Variants in ZNF789 observed in about 807,000 individuals in gnomAD.
The protein encoded by ZNF789 is zinc finger protein 789.
Under a neutral mutation model 15.6 loss-of-function variants are expected in ZNF789, and 11 were observed. The ratio of observed to expected loss-of-function variants is 0.70; its 90% CI spans 0.44 to 1.16. The LOEUF (loss-of-function observed/expected upper bound fraction) is 1.16. ZNF789 is among the 50% of genes most tolerant of loss of function. The pLI, the probability that ZNF789 is intolerant of heterozygous loss-of-function variation, is 0.00. For missense variants in ZNF789, 461 were observed against 512.6 expected (o/e 0.90, Z 0.97); for synonymous variants, 159 against 176.0 (o/e 0.90, Z 0.76).
chr7:99,478,477 G>A, intron 2 of ZNF789: 1 of 806,796 alleles, frequency 1.2e-6, no homozygotes, highest in Non-Finnish European at 1.8e-6. Context: ...AAGCTTCTCA[G>A]GATGGTCTCA....
At chr7:99,478,294 G>C in intron 2 of ZNF789, 1 of 1,289,634 alleles carries the variant, frequency 7.8e-7, no homozygotes, top group Admixed American at 2.3e-5. Flanking sequence ...GCAGATGGCT[G>C]AGTAGGTCAG....
intron 3 of ZNF789, chr7:99,480,902 G>A (rs934407386): frequency 6.6e-6 from 1 of 152,170 alleles, no homozygotes; most frequent in Non-Finnish European, 1.5e-5. Flanking sequence ...ACCTCTGTGG[G>A]ACTGTCCACC....
intron 3 of ZNF789, among the ~76,000 whole-genome samples, chr7:99,483,274 C>T (rs1446910765): frequency 2.0e-5 from 3 of 151,576 alleles, no homozygotes; most frequent in South Asian, 2.1e-4. Flanking sequence ...AAAAATTAGC[C>T]GGGTGGGGGC....
At chr7:99,486,367 C>T in intron 4 of ZNF789, 109 bp from the exon 5 acceptor site, 2 of 1,107,826 alleles carry the variant, frequency 1.8e-6, no homozygotes, top group Non-Finnish European at 1.3e-6. Context: ...TAAACGAGAT[C>T]ACTTCTTAGC....
Position 99,487,510 on chromosome 7 carries a change from T to C in ZNF789, c.*22T>C, listed in dbSNP as rs764588384. 10 of 1,593,898 alleles carry C rather than the reference T, an allele frequency of 6.3e-6. No individual in the cohort carries two copies. The highest frequency in any genetic ancestry group is 7.7e-6 in the Non-Finnish European group (9 of 1,169,856). ...ATGATGTTAATTGGAAAGCAGTCAT[T>C]GGAGAACTAGAACTTATAAACCTCT... On this transcript the variant is annotated 3_prime_UTR_variant, in exon 5 of 5. Transcript: ENST00000331410.
At chr7:99,474,427 T>A (rs561157574) in intron 1 of ZNF789, among the ~76,000 whole-genome samples, 4 of 152,206 alleles carry the variant, frequency 2.6e-5, no homozygotes, top group African/African-American at 9.6e-5. Flanking sequence ...ACCCCGTCTC[T>A]ACTAAAAATA....
intron 4 of ZNF789, 41 bp from the exon 5 acceptor site, chr7:99,486,435 A>G (rs775993925): frequency 6.4e-7 from 1 of 1,556,290 alleles, no homozygotes; most frequent in Admixed American, 2.0e-5. Flanking sequence ...TTTCTTCTGC[A>G]GTGGATAGGT....
chr7:99,484,001 C>T (rs368430227), intron 3 of ZNF789, 29 bp from the exon 4 acceptor site: 6 of 1,590,994 alleles, frequency 3.8e-6, no homozygotes, highest in Non-Finnish European at 5.2e-6. Context: ...TCACTAACGG[C>T]CACATCCCAT....
intron 4 of ZNF789, 70 bp downstream of exon 4, chr7:99,484,213 T>C: frequency 2.4e-6 from 3 of 1,250,802 alleles, no homozygotes; most frequent in South Asian, 2.4e-5. Flanking sequence ...TGAAGCCCCT[T>C]CTGTGTGCCA....
In ZNF789 at chr7:99,486,665, G is replaced by A. The variant is rs755405288; in HGVS notation, c.455G>A (p.Arg152Lys). The A allele has an allele frequency of 6.2e-7, 1 of 1,614,212 alleles. No individual in the cohort carries two copies. Among genetic ancestry groups the A allele is most frequent in the South Asian group, 1.1e-5 (1 of 91,080 alleles). Residue 152 changes from arginine (R) to lysine (K), a missense_variant, in exon 5 of 5, where the codon AGG becomes AAG. Arg to Lys is a conservative substitution (Grantham distance 26). Coordinates refer to ENST00000331410, the MANE Select transcript of ZNF789 (RefSeq NM_213603.3). The stretch of plus-strand genomic sequence containing the variant: ...CCTACTAGTGGTGATGAATACAGCA[G>A]GGGCTTCCTTCAAAACCTTAACCTT... ...TFPTSGDEYS[R>K]GFLQNLNLIQ...
intron 2 of ZNF789, chr7:99,478,274 G>A (rs1036053297): frequency 4.7e-6 from 6 of 1,288,956 alleles, no homozygotes. Flanking sequence ...CCTTGTGCAG[G>A]TGCGGGAATG....
At chr7:99,478,612 G>A (rs978992398) in intron 2 of ZNF789, 10 of 348,016 alleles carry the variant, frequency 2.9e-5, no homozygotes, top group African/African-American at 1.7e-4. Flanking sequence ...GTAGACAGCC[G>A]CTGGGCCCCT....
chr7:99,483,498 C>T (rs955907527), intron 3 of ZNF789, among the ~76,000 whole-genome samples: 4 of 151,812 alleles, frequency 2.6e-5, no homozygotes, highest in South Asian at 2.1e-4. Flanking sequence ...AGCGTGGGGG[C>T]GCTGTGCCTG....
chr7:99,486,112 G>T (rs1799930847), intron 4 of ZNF789, among the ~76,000 whole-genome samples: 1 of 152,178 alleles, frequency 6.6e-6, no homozygotes, highest in South Asian at 2.1e-4. Context: ...GAGGTCAGGG[G>T]TTCGAGACCA....
intron 3 of ZNF789, chr7:99,483,812 C>T (rs1009623211): frequency 1.3e-6 from 1 of 781,154 alleles, no homozygotes; most frequent in Non-Finnish European, 2.4e-6. Context: ...TGCAATTGTA[C>T]TTTAGGCTAT....
chr7:99,484,009 C>T (rs774906495), intron 3 of ZNF789, 21 bp from the exon 4 acceptor site: 1 of 1,604,942 alleles, frequency 6.2e-7, no homozygotes, highest in South Asian at 1.1e-5. Context: ...GGCCACATCC[C>T]ATTTACTTCC....
At chr7:99,483,423 A>T (rs1012434942) in intron 3 of ZNF789, among the ~76,000 whole-genome samples, 2 of 152,070 alleles carry the variant, frequency 1.3e-5, no homozygotes, top group Admixed American at 1.3e-4. Flanking sequence ...TGAGGTCAGG[A>T]GTTCGAGACC....
rs774348185 is a variant in ZNF789, at chr7:99,486,707, C to T, written c.497C>T (p.Ala166Val). Residue 166 changes from alanine (A) to valine (V), a missense_variant, in exon 5 of 5, where the codon GCG becomes GTG. Transcript: ENST00000331410. ...CTTAACCTTATTCAAGATCAGAATG[C>T]GCAAACAAGGTGGAAGCAGGGCAGA... ...QNLNLIQDQN[A>V]QTRWKQGRYD... 21 of 1,614,050 alleles carry T rather than the reference C, an allele frequency of 1.3e-5. No homozygotes were observed. Among genetic ancestry groups the T allele is most frequent in the African/African-American group, 6.7e-5 (5 of 74,920 alleles).
chr7:99,486,643 A>G lies in ZNF789; in HGVS notation c.433A>G (p.Thr145Ala), dbSNP rs1343276838. Residue 145 changes from threonine (T) to alanine (A), a missense_variant, in exon 5 of 5, where the codon ACT (threonine) becomes GCT (alanine). Physicochemically the swap from Thr to Ala is moderately conservative, Grantham distance 58 (BLOSUM62 0). Coordinates refer to ENST00000331410, the MANE Select transcript of ZNF789 (RefSeq NM_213603.3). Reference sequence around the variant, plus strand: ...GGACAGTTGCAGGCTTACTTTCCCTACTAGTGGTGATGAATACAGCAGGGG... The same window carrying G: ...GGACAGTTGCAGGCTTACTTTCCCTGCTAGTGGTGATGAATACAGCAGGGG... ...FVDSCRLTFP[T>A]SGDEYSRGFL... 2.5e-6 allele frequency: 4 copies of G among 1,614,116 alleles called. No homozygotes were observed. Among genetic ancestry groups the G allele is most frequent in the African/African-American group, 1.3e-5 (1 of 74,932 alleles).
Sources: allele counts gnomAD v4.1 joint callset (sites outside exome capture counted in the v4.1 genomes callset), GRCh38; gene constraint gnomAD v4.1.1; transcripts MANE v1.5; gene names NCBI Gene and HGNC (gene_info 2026-07-23, HGNC 2026-07-21).